B3GLCT: variants seen among roughly 807,000 people sequenced by gnomAD.
B3GLCT encodes beta-1,3-glucosyltransferase.
A neutral mutation model predicts 63.4 loss-of-function variants in B3GLCT; 65 were observed. The ratio of observed to expected loss-of-function variants is 1.03; its 90% CI spans 0.84 to 1.26. The LOEUF (loss-of-function observed/expected upper bound fraction) is 1.26. B3GLCT is among the 50% of genes most tolerant of loss of function. The pLI is 0.00. For missense variants in B3GLCT, 577 were observed against 604.8 expected, an observed-to-expected ratio of 0.95 and a Z score of 0.48; for synonymous variants, 233 against 219.2, an observed-to-expected ratio of 1.06 and a Z score of -0.55.
At chr13:31,205,184 T>G (rs1868881526) in intron 1 of B3GLCT, among the ~76,000 whole-genome samples, 2 of 151,874 alleles carry the variant, frequency 1.3e-5, no homozygotes, top group Non-Finnish European at 1.5e-5. Flanking sequence ...AGGACAGGTC[T>G]GGCTGGAAGG....
intron 3 of B3GLCT, among the ~76,000 whole-genome samples, 171 bp downstream of exon 3, chr13:31,223,162 C>A (rs1290949090): frequency 6.6e-6 from 1 of 152,144 alleles, no homozygotes; most frequent in Non-Finnish European, 1.5e-5. Context: ...GTGGGGCAAA[C>A]ACCTCTCAGA....
intron 12 of B3GLCT, among the ~76,000 whole-genome samples, chr13:31,295,861 A>G (rs1279409385): frequency 6.6e-6 from 1 of 152,148 alleles, no homozygotes; most frequent in African/African-American, 2.4e-5. Context: ...CCACTGGGGT[A>G]TAAAAAAACT....
intron 12 of B3GLCT, among the ~76,000 whole-genome samples, chr13:31,298,160 C>T (rs1056885003): frequency 2.4e-4 from 37 of 152,120 alleles, no homozygotes; most frequent in Admixed American, 2.3e-3. Flanking sequence ...TTGAAGCTGT[C>T]GGTATACGTT....
chr13:31,308,352 A>AC lies in B3GLCT; in HGVS notation c.1065-9214_1065-9213insC, dbSNP rs1174916234. Among the ~76,000 whole-genome samples the AC allele has an allele frequency of 1.1e-3, 20 of 18,210 alleles. 1 individual carries two copies. In the Admixed American group the frequency reaches 0.014, roughly 13 times the overall value. 11.9% of individuals were successfully genotyped at this position (18,210 alleles called of 152,430 possible). ...TATAATAAAAAAAAAAAAATTAAAA[A>AC]AAAAAAAACAAAAAAAAAAGCTAGT... On this transcript the variant is annotated intron_variant, in intron 12 of 14. Coordinates refer to ENST00000343307, the MANE Select transcript of B3GLCT (RefSeq NM_194318.4).
intron 14 of B3GLCT, among the ~76,000 whole-genome samples, chr13:31,328,096 T>C (rs1875726780): frequency 6.6e-6 from 1 of 152,212 alleles, no homozygotes. Flanking sequence ...GTCATGTTAC[T>C]TCTGGGAGCT....
chr13:31,246,710 G>T (rs1205748034), intron 4 of B3GLCT, among the ~76,000 whole-genome samples: 5 of 152,148 alleles, frequency 3.3e-5, no homozygotes, highest in Non-Finnish European at 7.4e-5. Flanking sequence ...CACCTTCACA[G>T]ATTTCAGGTT....
chr13:31,283,583 A>G (rs919356481), intron 10 of B3GLCT, among the ~76,000 whole-genome samples: 1 of 113,660 alleles, frequency 8.8e-6, no homozygotes, highest in Admixed American at 1.1e-4. Flanking sequence ...ATTTTAGCAG[A>G]TGTGCAGAAC....
At chr13:31,290,198 TG>T (rs1873586409) in intron 12 of B3GLCT, among the ~76,000 whole-genome samples, 1 of 152,202 alleles carries the variant, frequency 6.6e-6, no homozygotes, top group Non-Finnish European at 1.5e-5. Context: ...GATGAACTCA[TG>T]CTTTTTTATG....
chr13:31,219,980 C>T (rs1311985547), intron 2 of B3GLCT, among the ~76,000 whole-genome samples: 2 of 152,200 alleles, frequency 1.3e-5, no homozygotes, highest in African/African-American at 2.4e-5. Flanking sequence ...CTTGTTCAAC[C>T]TACAACACAA....
intron 12 of B3GLCT, 67 bp from the exon 13 acceptor site, chr13:31,317,499 C>G: frequency 6.3e-7 from 1 of 1,589,368 alleles, no homozygotes; most frequent in South Asian, 1.1e-5. Flanking sequence ...GATGTAAGAA[C>G]CATAAACTGT....
chr13:31,331,878 T>A lies in B3GLCT; in HGVS notation c.*2210T>A, dbSNP rs1297640387. 6.6e-6 allele frequency: 1 copy of A among 152,216 alleles called. No homozygotes were observed. Among genetic ancestry groups the A allele is most frequent in the Non-Finnish European group, 1.5e-5 (1 of 68,042 alleles). 9.4% of individuals were successfully genotyped at this position (152,216 alleles called of 1,614,324 possible). A position where few individuals can be genotyped will look rare whatever the true frequency, so the allele number is the denominator to read the frequency against. The stretch of plus-strand genomic sequence containing the variant: ...GGCTTTCCTTCCAAATGGCTATTTT[T>A]AGGCTAGGGATGTTAACATCAGGGA... On this transcript the variant is annotated 3_prime_UTR_variant, in exon 15 of 15. Coordinates refer to ENST00000343307, the MANE Select transcript of B3GLCT (RefSeq NM_194318.4).
intron 8 of B3GLCT, among the ~76,000 whole-genome samples, chr13:31,272,404 G>C (rs1237319731): frequency 6.6e-6 from 1 of 151,724 alleles, no homozygotes; most frequent in East Asian, 1.9e-4. Context: ...TTTTAGTAGA[G>C]ATGGGGTTTC....
rs184322225 is a variant in B3GLCT, at chr13:31,202,068, C to A, written c.70+1914C>A. 2.2e-3 allele frequency among the ~76,000 whole-genome samples: 337 copies of A among 152,270 alleles called. 2 individuals carry two copies. Among genetic ancestry groups the A allele is most frequent in the African/African-American group, 8.0e-3 (332 of 41,540 alleles). On this transcript the variant is annotated intron_variant, in intron 1 of 14. Transcript: ENST00000343307. The stretch of plus-strand genomic sequence containing the variant: ...ACACGTATAAAGATGTCCCCACTTA[C>A]GATGTTCTTGGAATCTTGCTGAAAC...
intron 10 of B3GLCT, among the ~76,000 whole-genome samples, chr13:31,278,732 G>T (rs747573595): frequency 2.4e-4 from 37 of 152,306 alleles, no homozygotes; most frequent in Non-Finnish European, 3.2e-4. Flanking sequence ...TTGGCCCAAA[G>T]AGTTATCCAG....
At chr13:31,224,609 AG>A (rs879304612) in intron 3 of B3GLCT, among the ~76,000 whole-genome samples, 1 of 152,056 alleles carries the variant, frequency 6.6e-6, no homozygotes, top group Non-Finnish European at 1.5e-5. Flanking sequence ...GCTGGGAGAT[AG>A]CCTCCATGCA....
At position 31,286,755 on chromosome 13, in the gene B3GLCT, T is replaced by C. The variant is rs1873354142; in HGVS notation, c.1000T>C (p.Phe334Leu). 1 of 1,613,522 alleles carries C rather than the reference T, an allele frequency of 6.2e-7. No individual in the cohort carries two copies. The highest frequency in any genetic ancestry group is 1.1e-5 in the South Asian group (1 of 91,030). Residue 334 changes from phenylalanine (F) to leucine (L), a missense_variant, in exon 12 of 15, where the codon TTT (phenylalanine) becomes CTT (leucine). Phe to Leu is a conservative substitution (Grantham distance 22, BLOSUM62 0). Transcript: ENST00000343307. ...CGKTFAILERFLNRSQDKTAW... is the reference protein window; with the variant it reads ...CGKTFAILERLLNRSQDKTAW... ...AAAGACATTTGCCATTTTGGAAAGATTTCTGAATCGTAGCCAGGACAAAAC... is the reference window on the plus strand; with the variant it reads ...AAAGACATTTGCCATTTTGGAAAGACTTCTGAATCGTAGCCAGGACAAAAC...
chr13:31,206,265 T>C (rs1339618964), intron 1 of B3GLCT, among the ~76,000 whole-genome samples: 1 of 152,212 alleles, frequency 6.6e-6, no homozygotes, highest in East Asian at 1.9e-4. Flanking sequence ...AAGAAGCCTG[T>C]ATTTGTTAAA....
At chr13:31,312,863 A>G (rs927475777) in intron 12 of B3GLCT, 3 of 152,258 alleles carry the variant, frequency 2.0e-5, no homozygotes, top group Admixed American at 6.5e-5. Context: ...AACTTCTTGT[A>G]GAGAACAGCA....
chr13:31,235,490 G>A (rs1186504319), intron 4 of B3GLCT, among the ~76,000 whole-genome samples: 1 of 152,076 alleles, frequency 6.6e-6, no homozygotes, highest in Non-Finnish European at 1.5e-5. Flanking sequence ...AGGAGGGGCA[G>A]TGTGGGATGC....
Sources: gnomAD v4.1 joint callset for allele counts (sites outside exome capture counted in the v4.1 genomes callset) on GRCh38, gnomAD v4.1.1 for gene constraint, MANE v1.5 for transcripts, NCBI Gene and HGNC (gene_info 2026-07-23, HGNC 2026-07-21) for gene names.